The following ZZEF1 variants were observed in gnomAD, a reference collection of about 807,000 sequenced individuals.
ZZEF1 encodes zinc finger ZZ-type and EF-hand domain containing 1, also known as zinc finger ZZ-type and EF-hand domain-containing protein 1.
In ZZEF1, 157 loss-of-function variants were observed where a neutral mutation model predicts 342.8. The ratio of observed to expected loss-of-function variants is 0.46; its 90% CI spans 0.40 to 0.52. The LOEUF is 0.52. Ranked by LOEUF, ZZEF1 falls within the 20% of genes least tolerant of loss-of-function variation. The pLI is 0.00. For synonymous variants in ZZEF1, 1,505 were observed against 1,429.1 expected (o/e 1.05, Z -1.20); for missense variants, 3,480 against 3,725.6 (o/e 0.93, Z 1.72).
At chr17:4,103,213 G>A (rs1216228549) in intron 8 of ZZEF1, among the ~76,000 whole-genome samples, 1 of 151,856 alleles carries the variant, frequency 6.6e-6, no homozygotes, top group Admixed American at 6.6e-5. Context: ...GACACCAATT[G>A]TCTAACTTAA....
chr17:4,019,895 T>C lies in ZZEF1; in HGVS notation c.7405-126A>G, dbSNP rs572707087. 2.4e-4 allele frequency: 152 copies of C among 626,818 alleles called. No individual in the cohort carries two copies. The African/African-American group carries it at 2.6e-3, about 11-fold the overall frequency. The allele number at this position is 626,818 out of a possible 1,614,324, so 38.8% of individuals were successfully genotyped here. On this transcript the variant is annotated intron_variant, in intron 45 of 54. Transcript: ENST00000381638. ...GCCACAGGTTATAATTGAGGAACAT[T>C]ATATGGGTAGTTTAAAAAGCATATA...
intron 52 of ZZEF1, among the ~76,000 whole-genome samples, chr17:4,012,259 C>A (rs2055981286): frequency 6.6e-6 from 1 of 152,234 alleles, no homozygotes; most frequent in Non-Finnish European, 1.5e-5. Flanking sequence ...GTGATCCTGT[C>A]TGTGTATGAG....
At position 4,014,624 on chromosome 17, in the gene ZZEF1, G is replaced by T; in HGVS notation, c.8146-109C>A. On this transcript the variant is annotated intron_variant, in intron 49 of 54. Transcript: ENST00000381638. The surrounding 1 kb of genome is among the most constrained non-coding windows in gnomAD (Gnocchi z 4.4). Reference sequence around the variant, plus strand: ...TGGACCCGGGTGTGTGAGAATGAGTGAACCACAGCCCTGGCCTCCAGGAGT... The same window carrying T: ...TGGACCCGGGTGTGTGAGAATGAGTTAACCACAGCCCTGGCCTCCAGGAGT... The T allele has an allele frequency of 8.6e-7, 1 of 1,156,814 alleles. No individual in the cohort carries two copies. Among genetic ancestry groups the T allele is most frequent in the Non-Finnish European group, 1.3e-6 (1 of 788,380 alleles). 71.7% of individuals were successfully genotyped at this position (1,156,814 alleles called of 1,614,324 possible).
At chr17:4,039,845 T>C (rs374014967) in intron 39 of ZZEF1, among the ~76,000 whole-genome samples, 47 of 152,064 alleles carry the variant, frequency 3.1e-4, no homozygotes, top group South Asian at 1.5e-3. Flanking sequence ...GGGGTTTCAC[T>C]GTGTTAGCCA....
chr17:4,136,295 T>C (rs2058747853), intron 1 of ZZEF1, among the ~76,000 whole-genome samples: 1 of 148,884 alleles, frequency 6.7e-6, no homozygotes, highest in Non-Finnish European at 1.5e-5. Context: ...AGTGAGCCGG[T>C]ATTGTGCCAC....
chr17:4,016,324 T>G lies in ZZEF1; in HGVS notation c.8144A>C (p.Glu2715Ala), dbSNP rs2056099743. 1 of 1,613,096 alleles carries G rather than the reference T, an allele frequency of 6.2e-7. No individual in the cohort carries two copies. The highest frequency in any genetic ancestry group is 8.5e-7 in the Non-Finnish European group (1 of 1,179,674). The part of the protein sequence containing the change: ...KHPYNNNTNF[E>A]DKVHIPGAIY... The stretch of plus-strand genomic sequence containing the variant: ...GGGGCCTGCCGGCCCCAGGCTTACC[T>G]CGAAGTTGGTGTTGTTGTTATACGG... Residue 2715 changes from glutamate to alanine, a missense_variant and splice_region_variant, in exon 49 of 55, where the codon GAG (glutamate) becomes GCG (alanine). Physicochemically the swap from Glu to Ala is moderately radical, Grantham distance 107. Around this residue, in one of 5 missense-constraint regions of ZZEF1, gnomAD observed 1,269 missense variants for 1,342.4 expected, o/e 0.95. Coordinates refer to ENST00000381638, the MANE Select transcript of ZZEF1 (RefSeq NM_015113.4). This position sits in a 1 kb window ranked among gnomAD's most constrained non-coding sequence, Gnocchi z 4.4.
At position 4,096,604 on chromosome 17, in the gene ZZEF1, A is replaced by C. The variant is rs773440876; in HGVS notation, c.1764+5T>G. 46 of 1,612,762 alleles carry C rather than the reference A, an allele frequency of 2.9e-5. No homozygotes were observed. Among genetic ancestry groups the C allele is most frequent in the Non-Finnish European group, 3.7e-5 (44 of 1,179,192 alleles). On this transcript the variant is annotated splice_donor_5th_base_variant and intron_variant, in intron 10 of 54. Transcript: ENST00000381638. The stretch of plus-strand genomic sequence containing the variant: ...ATTGCTTAAAGAAGGTAGCACGAAA[A>C]TTACCATAATTCTTATCTGTGTAAC...
Position 4,142,686 on chromosome 17 carries a change from C to T in ZZEF1, c.210G>A (p.Glu70=). The change falls in exon 1 of 55, where the codon GAG becomes GAA. Residue 70 remains glutamate (E), a synonymous_variant. Coordinates refer to ENST00000381638, the MANE Select transcript of ZZEF1 (RefSeq NM_015113.4). ...AAALLPTPPC[E]SLVSRHRGAL... ...CGCCGCGATGCCTCGACACCAGCGA[C>T]TCGCAGGGGGGTGTGGGCAGCAACG... 6.2e-7 allele frequency: 1 copy of T among 1,606,576 alleles called. No homozygotes were observed. Among genetic ancestry groups the T allele is most frequent in the Non-Finnish European group, 8.5e-7 (1 of 1,179,348 alleles).
chr17:4,006,732 G>T lies in ZZEF1; in HGVS notation c.*158C>A. 1.4e-6 allele frequency: 1 copy of T among 739,212 alleles called. No individual in the cohort carries two copies. The allele number at this position is 739,212 out of a possible 1,614,324, so 45.8% of individuals were successfully genotyped here. On this transcript the variant is annotated 3_prime_UTR_variant, in exon 55 of 55. Transcript: ENST00000381638. The stretch of plus-strand genomic sequence containing the variant: ...GTGCTTGTGTCCAGCCTACGCACGG[G>T]AGCTCTTGGAGACGTGGCTGCTTGG...
chr17:4,063,884 C>A (rs1414334193), intron 29 of ZZEF1, among the ~76,000 whole-genome samples: 3 of 152,088 alleles, frequency 2.0e-5, no homozygotes, highest in African/African-American at 7.2e-5. Context: ...TCCACCACTA[C>A]GCCCAGCTAA....
At position 4,022,845 on chromosome 17, in the gene ZZEF1, G is replaced by T. The variant is rs747825671; in HGVS notation, c.7093-17C>A. 2.1e-5 allele frequency: 34 copies of T among 1,612,986 alleles called. No individual in the cohort carries two copies. The highest frequency in any genetic ancestry group is 2.9e-5 in the Non-Finnish European group (34 of 1,179,352). ...ACCGTGAGCCTGCCAAGCAGAAGAA[G>T]AATGATGTGTGACTGCCTTGGAGTG... On this transcript the variant is annotated splice_polypyrimidine_tract_variant and intron_variant, in intron 43 of 54. Coordinates refer to ENST00000381638, the MANE Select transcript of ZZEF1 (RefSeq NM_015113.4).
At chr17:4,031,564 G>A (rs370057553) in intron 42 of ZZEF1, among the ~76,000 whole-genome samples, 19 of 152,234 alleles carry the variant, frequency 1.2e-4, no homozygotes, top group South Asian at 1.0e-3. Flanking sequence ...TTACATACAC[G>A]AAAACAGCAC....
intron 4 of ZZEF1, among the ~76,000 whole-genome samples, chr17:4,113,441 G>C (rs2058345903): frequency 6.6e-6 from 1 of 152,134 alleles, no homozygotes; most frequent in Admixed American, 6.6e-5. Flanking sequence ...TGTAATCCCA[G>C]CACTTTGAGA....
chr17:4,117,782 A>G (rs1425963744), intron 2 of ZZEF1, among the ~76,000 whole-genome samples: 1 of 152,230 alleles, frequency 6.6e-6, no homozygotes, highest in Non-Finnish European at 1.5e-5. Flanking sequence ...GACGTTTTTA[A>G]GGAAGTCTTG....
rs1475739453 is a variant in ZZEF1, at chr17:4,017,493, G to A, written c.7879C>T (p.Leu2627Phe). 6 of 1,614,142 alleles carry A rather than the reference G, an allele frequency of 3.7e-6. No individual in the cohort carries two copies. The Middle Eastern group carries it at 4.9e-4, about 133-fold the overall frequency. Residue 2627 changes from leucine to phenylalanine, a missense_variant, in exon 48 of 55, where the codon CTC becomes TTC. Physicochemically the swap from Leu to Phe is conservative, Grantham distance 22. This residue lies in a region of ZZEF1 where 1,269 missense variants were observed against 1,342.4 expected (regional missense o/e 0.95). Transcript: ENST00000381638. The surrounding 1 kb of genome is among the most constrained non-coding windows in gnomAD (Gnocchi z 5.1). ...GGCACGTGGCTAGGCCACTCGGCGA[G>A]CAGGGATGCAAGCACGTGGCGGGCG... Reference protein sequence around the residue: ...LYARHVLASLLAEWPSHVPVS... With the variant: ...LYARHVLASLFAEWPSHVPVS...
At chr17:4,093,825 A>G (rs1344569505) in intron 11 of ZZEF1, among the ~76,000 whole-genome samples, 1 of 152,062 alleles carries the variant, frequency 6.6e-6, no homozygotes, top group African/African-American at 2.4e-5. Context: ...AGCTTCTTCA[A>G]TTTTAACTCA....
intron 16 of ZZEF1, among the ~76,000 whole-genome samples, 198 bp downstream of exon 16, chr17:4,085,472 A>C (rs1256449652): frequency 1.3e-5 from 2 of 152,236 alleles, no homozygotes; most frequent in African/African-American, 4.8e-5. Context: ...ATCATGAAAC[A>C]CAGATTGGGA....
intron 1 of ZZEF1, among the ~76,000 whole-genome samples, chr17:4,141,188 C>T (rs1288898939): frequency 6.6e-6 from 1 of 152,196 alleles, no homozygotes; most frequent in Admixed American, 6.5e-5. Flanking sequence ...GGATTACAGG[C>T]GTGAGCCACT....
intron 52 of ZZEF1, among the ~76,000 whole-genome samples, chr17:4,010,553 G>A (rs1428673154): frequency 4.0e-5 from 6 of 151,408 alleles, no homozygotes; most frequent in East Asian, 3.9e-4. Context: ...GTGAAACCCC[G>A]TCTCTACTAA....
Sources: allele counts gnomAD v4.1 joint callset (sites outside exome capture counted in the v4.1 genomes callset), GRCh38; gene constraint gnomAD v4.1.1; regional missense constraint gnomAD v4.1.1; non-coding constraint Gnocchi (gnomAD v3.1); transcripts MANE v1.5; gene names NCBI Gene and HGNC (gene_info 2026-07-23, HGNC 2026-07-21).